Variants in FER1L6 observed in about 807,000 individuals in gnomAD.
The protein encoded by FER1L6 is fer-1 like family member 6, also known as fer-1-like protein 6.
In FER1L6, 177 loss-of-function variants were observed where a neutral mutation model predicts 219.2. The observed-to-expected ratio is 0.81, with a 90% CI of 0.71 to 0.91. FER1L6 has a LOEUF of 0.91. Among genes scored for constraint, FER1L6 ranks in the 40% least tolerant of loss-of-function variants. The probability of loss-of-function intolerance (pLI) is 0.00; values close to 1 mark genes in which losing one functional copy is unlikely to be tolerated. For missense variants in FER1L6, 2,153 were observed against 2,259.9 expected (o/e 0.95, Z 0.96); for synonymous variants, 768 against 824.3 (o/e 0.93, Z 1.17).
intron 19 of FER1L6, among the ~76,000 whole-genome samples, chr8:124,038,642 G>A (rs563884883): frequency 6.6e-6 from 1 of 152,100 alleles, no homozygotes; most frequent in African/African-American, 2.4e-5. Flanking sequence ...ATAACCCTAT[G>A]AGGAACTATT....
chr8:124,091,652 T>C, intron 34 of FER1L6, 69 bp downstream of exon 34: 1 of 1,526,234 alleles, frequency 6.6e-7, no homozygotes, highest in Non-Finnish European at 9.0e-7. Flanking sequence ...GTGATATTTT[T>C]GGCTATGGGA....
At position 124,097,098 on chromosome 8, in the gene FER1L6, T is replaced by TATAC. The variant is rs1190508601; in HGVS notation, c.4696-172_4696-171insTACA. ...ATATATATATATATATATATATACA[T>TATAC]ACATACATACTTTTTTTGTCAACAG... is the stretch of plus-strand genomic sequence containing the variant. On this transcript the variant is annotated intron_variant, in intron 35 of 40. Coordinates refer to ENST00000522917, the MANE Select transcript of FER1L6 (RefSeq NM_001039112.2). Among the ~76,000 whole-genome samples the TATAC allele has an allele frequency of 2.0e-5, 3 of 149,952 alleles. No individual in the cohort carries two copies. The East Asian group carries it at 5.9e-4, about 29-fold the overall frequency.
rs189419450 is a variant in FER1L6, at chr8:124,067,449, G to C, written c.3679-318G>C. On this transcript the variant is annotated intron_variant, in intron 27 of 40. Transcript: ENST00000522917. The stretch of plus-strand genomic sequence containing the variant: ...TGGTGCAGATGAGGGAGATGCTCCA[G>C]GGAGGTGGAAAAATATTGGGGAGAT... Among the ~76,000 whole-genome samples the C allele has an allele frequency of 5.1e-3, 778 of 152,296 alleles. 7 individuals are homozygous for C. The highest frequency in any genetic ancestry group is 0.017 in the African/African-American group (691 of 41,566).
chr8:124,007,386 T>G (rs1169836727), intron 13 of FER1L6, among the ~76,000 whole-genome samples: 1 of 152,108 alleles, frequency 6.6e-6, no homozygotes, highest in African/African-American at 2.4e-5. Flanking sequence ...TACAGTTCTC[T>G]TCACACAGTC....
intron 15 of FER1L6, chr8:124,014,331 A>AT (rs1818081904): frequency 6.5e-6 from 1 of 152,760 alleles, no homozygotes; most frequent in African/African-American, 2.4e-5. Context: ...AGGTTGTCTT[A>AT]TTTTTTATAC....
chr8:123,982,014 G>C (rs751485971), intron 11 of FER1L6, among the ~76,000 whole-genome samples: 25 of 152,190 alleles, frequency 1.6e-4, no homozygotes, highest in Non-Finnish European at 2.9e-4. Flanking sequence ...TGGAAACTTA[G>C]TGGACCTCCC....
chr8:123,871,165 G>C (rs146629363), intron 1 of FER1L6, among the ~76,000 whole-genome samples: 1 of 152,158 alleles, frequency 6.6e-6, no homozygotes, highest in Non-Finnish European at 1.5e-5. Flanking sequence ...GTATGAACTC[G>C]TGTTTACTTT....
At chr8:124,015,617 T>TATA (rs1818168239) in intron 15 of FER1L6, among the ~76,000 whole-genome samples, 2 of 39,762 alleles carry the variant, frequency 5.0e-5, no homozygotes, top group Admixed American at 5.2e-4. Context: ...ATATATATAT[T>TATA]ACTCCTGCTG....
At chr8:124,062,867 G>A (rs1820650719) in intron 25 of FER1L6, among the ~76,000 whole-genome samples, 1 of 151,538 alleles carries the variant, frequency 6.6e-6, no homozygotes, top group African/African-American at 2.4e-5. Flanking sequence ...GAGCTGCACT[G>A]ATCTACACCA....
At chr8:124,034,542 A>T (rs952593001) in intron 18 of FER1L6, among the ~76,000 whole-genome samples, 1 of 152,250 alleles carries the variant, frequency 6.6e-6, no homozygotes, top group Non-Finnish European at 1.5e-5. Flanking sequence ...TCATACAGAC[A>T]TAAACATAGA....
At chr8:124,040,493 C>G (rs1819437371) in intron 20 of FER1L6, 2 of 184,762 alleles carry the variant, frequency 1.1e-5, no homozygotes, top group Non-Finnish European at 2.3e-5. Flanking sequence ...AGTCCCCCTC[C>G]TCTGGAAAAT....
intron 1 of FER1L6, among the ~76,000 whole-genome samples, chr8:123,872,217 A>G (rs1256392163): frequency 3.9e-5 from 6 of 152,192 alleles, no homozygotes; most frequent in Admixed American, 3.9e-4. Context: ...GATCCGCCCC[A>G]TAATCCAATC....
At chr8:123,990,745 G>T (rs1490419001) in intron 12 of FER1L6, among the ~76,000 whole-genome samples, 3 of 152,106 alleles carry the variant, frequency 2.0e-5, no homozygotes, top group Admixed American at 6.5e-5. Context: ...ATTTATGTTG[G>T]TTTTTGTTGT....
chr8:123,920,152 GT>G (rs1813316802), intron 1 of FER1L6, among the ~76,000 whole-genome samples: 1 of 152,230 alleles, frequency 6.6e-6, no homozygotes, highest in African/African-American at 2.4e-5. Context: ...TGTTCTTGAG[GT>G]TGACAGACTC....
chr8:124,074,398 C>G (rs1821194530), intron 31 of FER1L6, among the ~76,000 whole-genome samples: 1 of 152,132 alleles, frequency 6.6e-6, no homozygotes, highest in Non-Finnish European at 1.5e-5. Flanking sequence ...TGGCTCATGC[C>G]TGTAATCCCA....
chr8:123,859,926 C>T (rs1038429744), intron 1 of FER1L6, among the ~76,000 whole-genome samples: 2 of 146,038 alleles, frequency 1.4e-5, no homozygotes, highest in African/African-American at 2.6e-5. Context: ...TGTATATGTG[C>T]CACATTTTAT....
At chr8:123,974,171 T>C (rs2130282211) in intron 7 of FER1L6, among the ~76,000 whole-genome samples, 1 of 152,278 alleles carries the variant, frequency 6.6e-6, no homozygotes, top group South Asian at 2.1e-4. Flanking sequence ...TCAACAGGGA[T>C]TCCAACTCCT....
intron 1 of FER1L6, among the ~76,000 whole-genome samples, chr8:123,915,970 C>A (rs1039752790): frequency 1.3e-5 from 2 of 152,128 alleles, no homozygotes. Flanking sequence ...ACCCTATGTC[C>A]ATTTTGCATA....
chr8:123,885,495 G>A (rs1817185312), intron 1 of FER1L6, among the ~76,000 whole-genome samples: 1 of 152,072 alleles, frequency 6.6e-6, no homozygotes, highest in Non-Finnish European at 1.5e-5. Flanking sequence ...AGTAGTAATA[G>A]CCAACATTTA....
Sources: gnomAD v4.1 joint callset for allele counts (sites outside exome capture counted in the v4.1 genomes callset) on GRCh38, gnomAD v4.1.1 for gene constraint, MANE v1.5 for transcripts, NCBI Gene and HGNC (gene_info 2026-07-23, HGNC 2026-07-21) for gene names.